The following PCDHGA5 variants were observed in gnomAD, a reference collection of about 807,000 sequenced individuals.
PCDHGA5 encodes the protein protocadherin gamma-A5.
Under a neutral mutation model 56.7 loss-of-function variants are expected in PCDHGA5, and 36 were observed. That is an observed-to-expected ratio of 0.64 (90% confidence interval 0.49 to 0.84). The LOEUF is 0.84. Among genes scored for constraint, PCDHGA5 ranks in the 40% least tolerant of loss-of-function variants. PCDHGA5 has a pLI of 0.00. For missense variants in PCDHGA5, 1,305 were observed against 1,201.5 expected (o/e 1.09, Z -1.27); for synonymous variants, 563 against 520.2 (o/e 1.08, Z -1.12).
chr5:141,374,241 G>T lies in PCDHGA5; in HGVS notation c.2421+7490G>T, dbSNP rs761928573. The T allele has an allele frequency of 2.5e-6, 4 of 1,614,020 alleles. No homozygotes were observed. In the Admixed American group the frequency reaches 6.7e-5, roughly 27 times the overall value. On this transcript the variant is annotated intron_variant, in intron 1 of 3. Transcript: ENST00000518069. Reference sequence around the variant, plus strand: ...GTAGGCAACATCGTCAAGGATCTGGGACTGGAGCCCCAGGAGTTGGCGGAG... The same window carrying T: ...GTAGGCAACATCGTCAAGGATCTGGTACTGGAGCCCCAGGAGTTGGCGGAG...
At chr5:141,417,949 TGA>T (rs2096196504) in intron 1 of PCDHGA5, 1 of 1,613,400 alleles carries the variant, frequency 6.2e-7, no homozygotes, top group Non-Finnish European at 8.5e-7. Context: ...CCACGCTGTG[TGA>T]GCCGATCCGC....
At chr5:141,422,009 G>C (rs1483710075) in intron 1 of PCDHGA5, 1 of 1,609,752 alleles carries the variant, frequency 6.2e-7, no homozygotes, top group Non-Finnish European at 8.5e-7. Flanking sequence ...TCCGGAACTC[G>C]GGTGCTGATG....
At chr5:141,392,730 C>T (rs1374381872) in intron 1 of PCDHGA5, 10 of 1,409,212 alleles carry the variant, frequency 7.1e-6, no homozygotes, top group Non-Finnish European at 8.4e-6. Context: ...GGAGGATTGT[C>T]ATCTCCATAG....
intron 1 of PCDHGA5, chr5:141,379,708 G>T (rs1048011684): frequency 2.0e-5 from 3 of 151,950 alleles, no homozygotes; most frequent in Non-Finnish European, 2.9e-5. Flanking sequence ...AAACATCCTG[G>T]CAGTCATGGA....
chr5:141,415,522 C>T, intron 1 of PCDHGA5: 1 of 1,614,178 alleles, frequency 6.2e-7, no homozygotes, highest in African/African-American at 1.3e-5. Flanking sequence ...TGCGGACACG[C>T]TCATCAGCCA....
rs1419653105 is a variant in PCDHGA5, at chr5:141,365,169, C to G, written c.839C>G (p.Ser280Cys). The G allele has an allele frequency of 6.2e-7, 1 of 1,613,808 alleles. No homozygotes were observed. The highest frequency in any genetic ancestry group is 8.5e-7 in the Non-Finnish European group (1 of 1,179,906). ...DEGINGKLTY[S>C]FRNEEEKISE... ...GGAATAAACGGGAAATTGACCTACT[C>G]TTTTCGCAATGAAGAAGAAAAAATT... Residue 280 changes from serine (S) to cysteine (C), a missense_variant, in exon 1 of 4, where the codon TCT becomes TGT. Ser to Cys is a moderately radical substitution (Grantham distance 112). Coordinates refer to ENST00000518069, the MANE Select transcript of PCDHGA5 (RefSeq NM_018918.3).
At position 141,431,578 on chromosome 5, in the gene PCDHGA5, C is replaced by T. The variant is rs756332070; in HGVS notation, c.2422-63229C>T. 6.2e-7 allele frequency: 1 copy of T among 1,614,164 alleles called. No homozygotes were observed. On this transcript the variant is annotated intron_variant, in intron 1 of 3. Coordinates refer to ENST00000518069, the MANE Select transcript of PCDHGA5 (RefSeq NM_018918.3). This position sits in a 1 kb window ranked among gnomAD's most constrained non-coding sequence, Gnocchi z 4.8. ...ACGCTACCGACCCTGACGAAGGAGT[C>T]AATGCGGAAGTGAGGTATTCCTTCC...
intron 1 of PCDHGA5, chr5:141,370,831 C>T (rs1445899321): frequency 6.2e-7 from 1 of 1,613,948 alleles, no homozygotes; most frequent in Non-Finnish European, 8.5e-7. Context: ...AGCGAACTGG[C>T]TCTCACTGGA....
chr5:141,438,392 A>C (rs2097958012), intron 1 of PCDHGA5, among the ~76,000 whole-genome samples: 1 of 151,714 alleles, frequency 6.6e-6, no homozygotes, highest in African/African-American at 2.4e-5. Context: ...TTAGTTCATC[A>C]TTAACTCTCT....
At chr5:141,452,281 T>G (rs948141174) in intron 1 of PCDHGA5, among the ~76,000 whole-genome samples, 2 of 152,232 alleles carry the variant, frequency 1.3e-5, no homozygotes, top group Non-Finnish European at 2.9e-5. Flanking sequence ...CCTTTCTTAC[T>G]TTCTGATATA....
chr5:141,428,443 G>T (rs1004000862), intron 1 of PCDHGA5: 5 of 383,870 alleles, frequency 1.3e-5, no homozygotes, highest in Non-Finnish European at 2.0e-5. Context: ...TAGACCAGGG[G>T]TTTTTCCCAA....
At chr5:141,384,071 C>G in intron 1 of PCDHGA5, 2 of 1,603,192 alleles carry the variant, frequency 1.2e-6, no homozygotes, top group Non-Finnish European at 1.7e-6. Flanking sequence ...GAAAACCTAC[C>G]TTTTAAATTA....
intron 1 of PCDHGA5, chr5:141,387,775 A>C (rs2091090328): frequency 6.9e-7 from 1 of 1,450,000 alleles, no homozygotes; most frequent in South Asian, 1.4e-5. Context: ...TTTTTTCTTG[A>C]ACTGGAACTG....
intron 1 of PCDHGA5, among the ~76,000 whole-genome samples, chr5:141,386,536 GTGT>G (rs1561611759): frequency 6.6e-6 from 1 of 151,656 alleles, no homozygotes; most frequent in African/African-American, 2.4e-5. Flanking sequence ...TTTTAGACTA[GTGT>G]TGTATTTGGT....
At chr5:141,387,936 T>G (rs200817766) in intron 1 of PCDHGA5, 31,224 of 1,475,552 alleles carry the variant, frequency 0.021, 381 homozygotes, top group Non-Finnish European at 0.026. Flanking sequence ...GCCAGTGCTC[T>G]TTCTCTTCCT....
At position 141,423,756 on chromosome 5, in the gene PCDHGA5, G is replaced by GGA. The variant is rs1554116833; in HGVS notation, c.2421+57006_2421+57007insAG. 3 of 448,454 alleles carry GGA rather than the reference G, an allele frequency of 6.7e-6. No individual in the cohort carries two copies. In the African/African-American group the frequency reaches 8.4e-5, roughly 13 times the overall value. The allele number at this position is 448,454 out of a possible 1,614,324, so 27.8% of individuals were successfully genotyped here. A position where few individuals can be genotyped will look rare whatever the true frequency, so the allele number is the denominator to read the frequency against. ...GCCTGTTATGAAAACTGTTTGGGGG[G>GGA]GGGGTGGGGCGGCATATATTTAGTT... On this transcript the variant is annotated intron_variant, in intron 1 of 3. Coordinates refer to ENST00000518069, the MANE Select transcript of PCDHGA5 (RefSeq NM_018918.3).
intron 1 of PCDHGA5, chr5:141,415,377 C>A: frequency 1.2e-6 from 2 of 1,614,236 alleles, no homozygotes; most frequent in Non-Finnish European, 1.7e-6. Flanking sequence ...CTTCAGGAGG[C>A]GGCTTGACAG....
At chr5:141,398,045 G>A (rs2093604271) in intron 1 of PCDHGA5, 1 of 1,498,158 alleles carries the variant, frequency 6.7e-7, no homozygotes. Flanking sequence ...AAGCCCGTTC[G>A]GAGATCCAAA....
At chr5:141,473,974 C>A (rs958240236) in intron 1 of PCDHGA5, among the ~76,000 whole-genome samples, 1 of 152,054 alleles carries the variant, frequency 6.6e-6, no homozygotes, top group Non-Finnish European at 1.5e-5. Flanking sequence ...AAGTCTGAGG[C>A]GGGAGGATCC....
Sources: allele counts gnomAD v4.1 joint callset (sites outside exome capture counted in the v4.1 genomes callset), GRCh38; gene constraint gnomAD v4.1.1; non-coding constraint Gnocchi (gnomAD v3.1); transcripts MANE v1.5; gene names NCBI Gene and HGNC (gene_info 2026-07-23, HGNC 2026-07-21).